The following CCT3 variants were observed in gnomAD, a reference collection of about 807,000 sequenced individuals.
The protein encoded by CCT3 is chaperonin containing TCP1 subunit 3, also known as T-complex protein 1 subunit gamma.
Under a neutral mutation model 65.3 loss-of-function variants are expected in CCT3, and 10 were observed. The observed-to-expected ratio is 0.15, with a 90% CI of 0.09 to 0.26. The LOEUF (loss-of-function observed/expected upper bound fraction) is 0.26. Ranked by LOEUF, CCT3 falls within the 10% of genes least tolerant of loss-of-function variation. The pLI, the probability that CCT3 is intolerant of heterozygous loss-of-function variation, is 1.00. For synonymous variants in CCT3, 225 were observed against 242.3 expected (o/e 0.93, Z 0.66); for missense variants, 626 against 708.7 (o/e 0.88, Z 1.33).
intron 6 of CCT3, among the ~76,000 whole-genome samples, chr1:156,324,635 C>T (rs1205698311): frequency 2.0e-5 from 3 of 151,828 alleles, no homozygotes; most frequent in African/African-American, 4.8e-5. Context: ...CCATACCCAG[C>T]TGATTTTTTT....
rs140873725 is a variant in CCT3, at chr1:156,326,581, C to T, written c.305-1492G>A. On this transcript the variant is annotated intron_variant, in intron 5 of 13. Transcript: ENST00000295688. ...AGGAGAATCGCTTGAACCAGGGAGG[C>T]GGAGGTTGTGGTGAGCCAAGATCGT... Among the ~76,000 whole-genome samples, 558 of 132,746 alleles carry T rather than the reference C, an allele frequency of 4.2e-3. 6 individuals carry two copies. The highest frequency in any genetic ancestry group is 0.015 in the African/African-American group (533 of 34,706). The allele number at this position is 132,746 out of a possible 152,430, so 87.1% of individuals were successfully genotyped here. A position where few individuals can be genotyped will look rare whatever the true frequency, so the allele number is the denominator to read the frequency against.
chr1:156,335,699 A>G, intron 2 of CCT3, 128 bp downstream of exon 2: 1 of 663,392 alleles, frequency 1.5e-6, no homozygotes, highest in Non-Finnish European at 2.6e-6. Flanking sequence ...GTTCTGAAAG[A>G]GGTCAACTTT....
chr1:156,338,081 T>G, intron 1 of CCT3, 73 bp downstream of exon 1: 1 of 1,512,640 alleles, frequency 6.6e-7, no homozygotes, highest in Non-Finnish European at 9.0e-7. Context: ...GGGACGGAGC[T>G]GGGGCAACAC....
At chr1:156,318,589 C>G (rs919684802) in intron 8 of CCT3, among the ~76,000 whole-genome samples, 1 of 152,138 alleles carries the variant, frequency 6.6e-6, no homozygotes, top group Non-Finnish European at 1.5e-5. Flanking sequence ...TTAGGAAAGG[C>G]AGCATGATCG....
intron 7 of CCT3, 116 bp downstream of exon 7, chr1:156,320,723 A>G (rs996863012): frequency 1.3e-4 from 99 of 790,570 alleles, no homozygotes; most frequent in Non-Finnish European, 1.9e-5. Context: ...ACAAGGTGAG[A>G]CTCTGTCTCA....
In CCT3 at chr1:156,310,757, A is replaced by G; in HGVS notation, c.1402-68T>C. On this transcript the variant is annotated intron_variant, in intron 12 of 13. Coordinates refer to ENST00000295688, the MANE Select transcript of CCT3 (RefSeq NM_005998.5). ...GAAACATCAGGTAAGAAATGAAGTA[A>G]AAAACAATGGACCAGTATGGAAGGG... The G allele has an allele frequency of 5.1e-6, 8 of 1,570,266 alleles. No individual in the cohort carries two copies. In the South Asian group the frequency reaches 7.9e-5, roughly 15 times the overall value.
At chr1:156,333,496 C>A in intron 5 of CCT3, 51 bp downstream of exon 5, 1 of 1,268,056 alleles carries the variant, frequency 7.9e-7, no homozygotes, top group Non-Finnish European at 1.2e-6. Context: ...TAAAATATGA[C>A]ACAGGTGTTA....
chr1:156,336,960 G>T, intron 1 of CCT3: 1 of 509,012 alleles, frequency 2.0e-6, no homozygotes, highest in Non-Finnish European at 2.9e-6. Context: ...CCCAGGTACA[G>T]AGATAATGAA....
At position 156,309,310 on chromosome 1, in the gene CCT3, GA is replaced by G; in HGVS notation, c.1534-8del. The G allele has an allele frequency of 6.3e-7, 1 of 1,597,696 alleles. No individual in the cohort carries two copies. Among genetic ancestry groups the G allele is most frequent in the African/African-American group, 1.3e-5 (1 of 74,736 alleles). ...GCAGTAGCAGAACTGCCGTCTAGGA[GA>G]AAAACCACAGATGCAAAGAGGTCAG... is the stretch of plus-strand genomic sequence containing the variant. On this transcript the variant is annotated splice_polypyrimidine_tract_variant and splice_region_variant and intron_variant, in intron 13 of 13. Transcript: ENST00000295688.
chr1:156,321,471 A>G (rs1191904685), intron 6 of CCT3, among the ~76,000 whole-genome samples: 1 of 152,160 alleles, frequency 6.6e-6, no homozygotes, highest in African/African-American at 2.4e-5. Context: ...GTCAAAGATG[A>G]CCACCAACTG....
Position 156,317,499 on chromosome 1 carries a change from T to C in CCT3, c.808A>G (p.Met270Val). The C allele has an allele frequency of 1.2e-6, 2 of 1,613,894 alleles. No individual in the cohort carries two copies. Among genetic ancestry groups the C allele is most frequent in the South Asian group, 1.1e-5 (1 of 91,082 alleles). ...AGCTGCTGGATGTACTCTTCCTCCA[T>C]CTGGAGAATTCGGGTGAAGTCCTCC... The part of the protein sequence containing the change: ...REEDFTRILQ[M>V]EEEYIQQLCE... Residue 270 changes from methionine to valine, a missense_variant, in exon 9 of 14, where the codon ATG (methionine) becomes GTG (valine). Coordinates refer to ENST00000295688, the MANE Select transcript of CCT3 (RefSeq NM_005998.5).
intron 2 of CCT3, 70 bp downstream of exon 2, chr1:156,335,757 A>G: frequency 7.6e-7 from 1 of 1,310,206 alleles, no homozygotes; most frequent in Non-Finnish European, 1.1e-6. Flanking sequence ...CACAGGACAC[A>G]TGGCTATGAC....
chr1:156,319,957 A>G (rs984735891), intron 7 of CCT3, among the ~76,000 whole-genome samples: 2 of 152,220 alleles, frequency 1.3e-5, no homozygotes, highest in African/African-American at 2.4e-5. Context: ...ACAAACATGG[A>G]GACACCAATA....
intron 5 of CCT3, among the ~76,000 whole-genome samples, chr1:156,330,404 G>A (rs1665055776): frequency 6.6e-6 from 1 of 152,200 alleles, no homozygotes; most frequent in Non-Finnish European, 1.5e-5. Context: ...GCTCACGCCT[G>A]TAATCCCAGC....
rs769672290 is a variant in CCT3 at position 156,312,230 on chromosome 1, CG to C, written c.975-10del. 1.9e-6 allele frequency: 3 copies of C among 1,611,784 alleles called. No individual in the cohort carries two copies. The South Asian group carries it at 3.3e-5, about 18-fold the overall frequency. On this transcript the variant is annotated splice_polypyrimidine_tract_variant and intron_variant, in intron 10 of 13. Transcript: ENST00000295688. ...TCCGGGCCCCACAGGCTCTAATGGA[CG>C]GAAGAGGTGGGGAGAATCAGATGAT...
chr1:156,334,601 G>A lies in CCT3; in HGVS notation c.207+112C>T, dbSNP rs1363863889. 3 of 922,862 alleles carry A rather than the reference G, an allele frequency of 3.3e-6. No homozygotes were observed. The Admixed American group carries it at 7.6e-5, about 23-fold the overall frequency. The allele number at this position is 922,862 out of a possible 1,614,324, so 57.2% of individuals were successfully genotyped here. On this transcript the variant is annotated intron_variant, in intron 4 of 13. Coordinates refer to ENST00000295688, the MANE Select transcript of CCT3 (RefSeq NM_005998.5). ...TGTTGTTGAAGCCAACCAGTTTCTG[G>A]TAATCTGTTATAGCAGCCCTAAAAA... is the stretch of plus-strand genomic sequence containing the variant.
chr1:156,330,597 G>A (rs1438356288), intron 5 of CCT3, among the ~76,000 whole-genome samples: 1 of 152,162 alleles, frequency 6.6e-6, no homozygotes, highest in Admixed American at 6.5e-5. Flanking sequence ...AGGAGGCAGA[G>A]GTTGCAGTGA....
chr1:156,311,989 CAAGA>C (rs1664102256), intron 11 of CCT3, 48 bp downstream of exon 11: 1 of 1,460,430 alleles, frequency 6.8e-7, no homozygotes. Flanking sequence ...GGGAAACTCT[CAAGA>C]AGTTCAGTGA....
chr1:156,311,939 A>C (rs1664100781), intron 11 of CCT3, 102 bp downstream of exon 11: 1 of 857,798 alleles, frequency 1.2e-6, no homozygotes, highest in Non-Finnish European at 1.6e-6. Flanking sequence ...GTCCAAATTA[A>C]ATAGCTATAA....
Sources: allele counts gnomAD v4.1 joint callset (sites outside exome capture counted in the v4.1 genomes callset), GRCh38; gene constraint gnomAD v4.1.1; transcripts MANE v1.5; gene names NCBI Gene and HGNC (gene_info 2026-07-23, HGNC 2026-07-21).